The following EFCAB11 variants were observed in gnomAD, a reference collection of about 807,000 sequenced individuals.
EFCAB11 encodes the protein EF-hand calcium-binding domain-containing protein 11.
Under a neutral mutation model 23.0 loss-of-function variants are expected in EFCAB11, and 14 were observed. The ratio of observed to expected loss-of-function variants is 0.61; its 90% CI spans 0.40 to 0.95. The LOEUF (loss-of-function observed/expected upper bound fraction) is 0.95, where lower values mean the gene tolerates loss of function less well. Ranked by LOEUF, EFCAB11 falls within the 40% of genes least tolerant of loss-of-function variation. The pLI, the probability that EFCAB11 is intolerant of heterozygous loss-of-function variation, is 0.00. For synonymous variants in EFCAB11, 65 were observed against 66.6 expected, an observed-to-expected ratio of 0.98 and a Z score of 0.11; for missense variants, 198 against 195.8, an observed-to-expected ratio of 1.01 and a Z score of -0.07.
chr14:89,900,095 G>C (rs1596442460), intron 5 of EFCAB11, among the ~76,000 whole-genome samples: 3 of 152,168 alleles, frequency 2.0e-5, no homozygotes, highest in Non-Finnish European at 4.4e-5. Context: ...GGAAAAGAAG[G>C]TGCTGGTTAT....
chr14:89,887,972 A>G (rs956584623), intron 5 of EFCAB11, among the ~76,000 whole-genome samples: 14 of 152,380 alleles, frequency 9.2e-5, no homozygotes, highest in African/African-American at 3.1e-4. Flanking sequence ...GCAAGCTCTT[A>G]GTTATCAGCT....
intron 3 of EFCAB11, among the ~76,000 whole-genome samples, chr14:89,934,124 G>T (rs1890494037): frequency 6.6e-6 from 1 of 152,134 alleles, no homozygotes; most frequent in Non-Finnish European, 1.5e-5. Context: ...AATAATTTGG[G>T]TTTTATTTAA....
intron 5 of EFCAB11, among the ~76,000 whole-genome samples, chr14:89,879,634 A>C (rs1309726556): frequency 2.0e-5 from 3 of 152,326 alleles, no homozygotes; most frequent in Admixed American, 1.3e-4. Flanking sequence ...GTATTTTTGA[A>C]GAAGACTAAG....
chr14:89,928,495 G>A (rs1196429006), intron 5 of EFCAB11, among the ~76,000 whole-genome samples: 1 of 151,688 alleles, frequency 6.6e-6, no homozygotes, highest in Non-Finnish European at 1.5e-5. Flanking sequence ...TAAATACATA[G>A]ATCTAAATGG....
chr14:89,835,914 C>T (rs1887065234), intron 5 of EFCAB11, among the ~76,000 whole-genome samples: 1 of 151,192 alleles, frequency 6.6e-6, no homozygotes, highest in South Asian at 2.1e-4. Flanking sequence ...AGGCGTGAGC[C>T]ACTGCACCTG....
At chr14:89,918,412 G>A (rs759468706) in intron 5 of EFCAB11, among the ~76,000 whole-genome samples, 69 of 151,840 alleles carry the variant, frequency 4.5e-4, no homozygotes, top group Non-Finnish European at 5.6e-4. Flanking sequence ...GGTAGCACAC[G>A]TCTGTAATCC....
intron 5 of EFCAB11, among the ~76,000 whole-genome samples, chr14:89,840,622 C>G (rs924571472): frequency 3.9e-5 from 6 of 152,066 alleles, no homozygotes; most frequent in Non-Finnish European, 1.5e-5. Flanking sequence ...CATTCATCTG[C>G]TTTTTTTCAA....
intron 5 of EFCAB11, among the ~76,000 whole-genome samples, chr14:89,926,865 AG>A (rs1890211423): frequency 6.6e-6 from 1 of 152,216 alleles, no homozygotes; most frequent in African/African-American, 2.4e-5. Context: ...CCATAGCAAA[AG>A]GCCTGGAGGT....
At chr14:89,917,888 G>A (rs1406420983) in intron 5 of EFCAB11, among the ~76,000 whole-genome samples, 3 of 152,214 alleles carry the variant, frequency 2.0e-5, no homozygotes, top group Non-Finnish European at 2.9e-5. Context: ...AAGGCAACAC[G>A]TAGTTGGTAA....
chr14:89,896,064 T>C (rs552980908), intron 5 of EFCAB11, among the ~76,000 whole-genome samples: 3 of 152,220 alleles, frequency 2.0e-5, no homozygotes, highest in South Asian at 2.1e-4. Flanking sequence ...GACAATGAGA[T>C]ATTAAACCCA....
chr14:89,925,071 A>G (rs1890146595), intron 5 of EFCAB11, among the ~76,000 whole-genome samples: 1 of 152,280 alleles, frequency 6.6e-6, no homozygotes, highest in Admixed American at 6.5e-5. Flanking sequence ...ATTTAAGGAA[A>G]GAAGACTGTA....
At chr14:89,853,135 C>T (rs1006799932) in intron 5 of EFCAB11, among the ~76,000 whole-genome samples, 2 of 152,104 alleles carry the variant, frequency 1.3e-5, no homozygotes, top group Non-Finnish European at 2.9e-5. Flanking sequence ...ATAACAAGTT[C>T]AACTGGCACA....
chr14:89,928,371 C>A (rs561219885), intron 5 of EFCAB11, among the ~76,000 whole-genome samples: 1 of 152,116 alleles, frequency 6.6e-6, no homozygotes, highest in East Asian at 1.9e-4. Flanking sequence ...GAACAATGTA[C>A]ATTAATATAC....
Position 89,953,774 on chromosome 14 carries a change from A to G in EFCAB11, c.171+132T>C, listed in dbSNP as rs1016848084. The G allele has an allele frequency of 1.3e-5, 8 of 636,026 alleles. No individual in the cohort carries two copies. In the African/African-American group the frequency reaches 1.5e-4, roughly 12 times the overall value. The allele number at this position is 636,026 out of a possible 1,614,324, so 39.4% of individuals were successfully genotyped here. ...AGGTGTTAAGAGGAAGCTAAAATTCAGCACTGGACACATCTCTGAAATTGC... is the reference window on the plus strand; with the variant it reads ...AGGTGTTAAGAGGAAGCTAAAATTCGGCACTGGACACATCTCTGAAATTGC... On this transcript the variant is annotated intron_variant, in intron 2 of 5. Coordinates refer to ENST00000316738, the MANE Select transcript of EFCAB11 (RefSeq NM_145231.4).
chr14:89,945,925 A>AT (rs536209858), intron 3 of EFCAB11, among the ~76,000 whole-genome samples: 7,478 of 127,902 alleles, frequency 0.058, 641 homozygotes, highest in African/African-American at 0.2. Flanking sequence ...TTTTTTTTTT[A>AT]TTTTTTTTTT....
At chr14:89,891,137 T>C (rs966243932) in intron 5 of EFCAB11, among the ~76,000 whole-genome samples, 1 of 152,116 alleles carries the variant, frequency 6.6e-6, no homozygotes, top group Non-Finnish European at 1.5e-5. Flanking sequence ...CAAAAACACA[T>C]AAACCACTCT....
At chr14:89,948,881 C>CAAA (rs371225329) in intron 3 of EFCAB11, among the ~76,000 whole-genome samples, 1 of 113,028 alleles carries the variant, frequency 8.8e-6, no homozygotes, top group Non-Finnish European at 2.0e-5. Flanking sequence ...TTAATGGATA[C>CAAA]AAAAAAAAAA....
chr14:89,949,128 T>G (rs890218853), intron 3 of EFCAB11, among the ~76,000 whole-genome samples: 2 of 151,882 alleles, frequency 1.3e-5, no homozygotes, highest in African/African-American at 4.8e-5. Context: ...TAACTAAGAG[T>G]GTAACTGGAC....
chr14:89,801,121 G>A (rs1005829124), intron 5 of EFCAB11, among the ~76,000 whole-genome samples: 1 of 151,538 alleles, frequency 6.6e-6, no homozygotes, highest in Admixed American at 6.6e-5. Context: ...GGAAGGAGAT[G>A]ACAAGCCAAG....
Sources: allele counts gnomAD v4.1 joint callset (sites outside exome capture counted in the v4.1 genomes callset), GRCh38; gene constraint gnomAD v4.1.1; transcripts MANE v1.5; gene names NCBI Gene and HGNC (gene_info 2026-07-23, HGNC 2026-07-21).